The following ACSM2B variants were observed in gnomAD, a reference collection of about 807,000 sequenced individuals.
ACSM2B encodes acyl-coenzyme A synthetase ACSM2B, mitochondrial.
In ACSM2B, 58 loss-of-function variants were observed where a neutral mutation model predicts 78.6. That is an observed-to-expected ratio of 0.74 (90% CI 0.60 to 0.92). ACSM2B has a LOEUF of 0.92. Ranked by LOEUF, ACSM2B falls within the 40% of genes least tolerant of loss-of-function variation. The pLI, the probability that ACSM2B is intolerant of heterozygous loss-of-function variation, is 0.00. For missense variants in ACSM2B, 688 were observed against 711.2 expected (o/e 0.97, Z 0.37); for synonymous variants, 257 against 256.8 (o/e 1.00, Z -0.01).
intron 4 of ACSM2B, among the ~76,000 whole-genome samples, chr16:20,554,946 G>T (rs1292506864): frequency 1.3e-5 from 2 of 152,198 alleles, no homozygotes; most frequent in African/African-American, 4.8e-5. Context: ...GCCCAGAAGT[G>T]TGGAGGCAAT....
chr16:20,566,285 A>G (rs1175845147), intron 1 of ACSM2B, among the ~76,000 whole-genome samples: 2 of 114,454 alleles, frequency 1.7e-5, no homozygotes, highest in Admixed American at 9.6e-5. Context: ...ATATATATAT[A>G]GACAGATATA....
At chr16:20,554,636 C>G (rs1325795090) in intron 4 of ACSM2B, among the ~76,000 whole-genome samples, 1 of 152,200 alleles carries the variant, frequency 6.6e-6, no homozygotes, top group Non-Finnish European at 1.5e-5. Flanking sequence ...TCTTTCCATG[C>G]TATCAACACA....
intron 12 of ACSM2B, 106 bp from the exon 13 acceptor site, chr16:20,540,879 A>T: frequency 2.1e-6 from 3 of 1,461,786 alleles, no homozygotes; most frequent in Non-Finnish European, 2.8e-6. Context: ...GTATCTACTC[A>T]TTTGCACCCC....
intron 12 of ACSM2B, 39 bp from the exon 13 acceptor site, chr16:20,540,812 G>A: frequency 6.2e-7 from 1 of 1,604,578 alleles, no homozygotes; most frequent in Non-Finnish European, 8.5e-7. Flanking sequence ...AGGGATTAGA[G>A]TGTGTAGTCA....
chr16:20,555,268 C>A lies in ACSM2B; in HGVS notation c.596+1G>T. ...CCAGGATGAGACATGTAGATACTCA[C>A]TTTAGTAGTTTCTTGAAGTTCAGCC... On this transcript the variant is annotated splice_donor_variant, in intron 4 of 13. Transcript: ENST00000329697. LOFTEE classifies it high-confidence loss of function. The A allele has an allele frequency of 6.8e-6, 11 of 1,613,946 alleles. No homozygotes were observed. Among genetic ancestry groups the A allele is most frequent in the Non-Finnish European group, 9.3e-6 (11 of 1,179,840 alleles).
At chr16:20,561,853 A>G (rs1315227786) in intron 2 of ACSM2B, among the ~76,000 whole-genome samples, 1 of 130,682 alleles carries the variant, frequency 7.7e-6, no homozygotes, top group Admixed American at 7.5e-5. Context: ...GCCTAATGTT[A>G]TCCCTCCCCC....
chr16:20,562,758 A>G (rs2015701889), intron 2 of ACSM2B, among the ~76,000 whole-genome samples: 1 of 152,156 alleles, frequency 6.6e-6, no homozygotes, highest in Non-Finnish European at 1.5e-5. Context: ...ACTGCTTAGG[A>G]GTCATGTAAC....
At chr16:20,553,354 T>C (rs2015375268) in intron 5 of ACSM2B, among the ~76,000 whole-genome samples, 1 of 152,202 alleles carries the variant, frequency 6.6e-6, no homozygotes, top group Non-Finnish European at 1.5e-5. Context: ...CCTGAGATCT[T>C]TGTTCACAAA....
intron 9 of ACSM2B, 87 bp from the exon 10 acceptor site, chr16:20,545,345 A>G: frequency 1.3e-6 from 2 of 1,489,772 alleles, no homozygotes; most frequent in Non-Finnish European, 9.1e-7. Context: ...TGGTCAAATG[A>G]AAGACTCTCT....
chr16:20,564,407 AG>A, intron 2 of ACSM2B, among the ~76,000 whole-genome samples: 1 of 152,246 alleles, frequency 6.6e-6, no homozygotes, highest in South Asian at 2.1e-4. Context: ...GAGCATGTGC[AG>A]TCTACATACA....
intron 10 of ACSM2B, 75 bp downstream of exon 10, chr16:20,545,082 C>T (rs1347788670): frequency 4.0e-6 from 6 of 1,496,800 alleles, no homozygotes; most frequent in Middle Eastern, 1.9e-4. Context: ...AGTTTCAGAA[C>T]ATTTGTCCTC....
At chr16:20,540,965 G>T in intron 12 of ACSM2B, 192 bp from the exon 13 acceptor site, 2 of 732,784 alleles carry the variant, frequency 2.7e-6, no homozygotes. Context: ...GTCGTTTATT[G>T]GAGGAGCAGG....
At position 20,540,866 on chromosome 16, in the gene ACSM2B, C is replaced by T. The variant is rs2014969925; in HGVS notation, c.1510-93G>A. ...AATTAGCATTAAGACTTGCATCACC[C>T]TTGTATCTACTCATTTGCACCCCCG... On this transcript the variant is annotated intron_variant, in intron 12 of 13. Coordinates refer to ENST00000329697, the MANE Select transcript of ACSM2B (RefSeq NM_001105069.2). 4.6e-6 allele frequency: 7 copies of T among 1,508,140 alleles called. No homozygotes were observed. The South Asian group carries it at 6.5e-5, about 14-fold the overall frequency. The allele number at this position is 1,508,140 out of a possible 1,614,324, so 93.4% of individuals were successfully genotyped here.
chr16:20,559,496 G>A (rs779598948), intron 2 of ACSM2B, 49 bp from the exon 3 acceptor site: 1 of 1,591,042 alleles, frequency 6.3e-7, no homozygotes, highest in Admixed American at 1.7e-5. Flanking sequence ...TACACAAGCA[G>A]GTAGGATAAA....
intron 1 of ACSM2B, among the ~76,000 whole-genome samples, chr16:20,568,238 T>C (rs1241713803): frequency 6.9e-6 from 1 of 144,758 alleles, no homozygotes; most frequent in African/African-American, 2.5e-5. Flanking sequence ...ATATGTTTTA[T>C]ATATACTATA....
intron 3 of ACSM2B, among the ~76,000 whole-genome samples, chr16:20,557,803 C>T (rs11640137): frequency 0.18 from 27,804 of 151,284 alleles, 3,594 homozygotes; most frequent in East Asian, 0.69. Context: ...GCTTCCCTCC[C>T]CTGTGGCTTT....
Position 20,537,244 on chromosome 16 carries a change from G to A in ACSM2B, c.*14C>T, listed in dbSNP as rs781682208. The A allele has an allele frequency of 6.2e-7, 1 of 1,613,180 alleles. No individual in the cohort carries two copies. The highest frequency in any genetic ancestry group is 8.5e-7 in the Non-Finnish European group (1 of 1,179,308). ...AAAGAAGAGGGGAATCCAAATGAAT[G>A]TCTCCTAGACGCCTCACTGCGCACG... is the stretch of plus-strand genomic sequence containing the variant. On this transcript the variant is annotated 3_prime_UTR_variant, in exon 14 of 14. Transcript: ENST00000329697.
intron 10 of ACSM2B, among the ~76,000 whole-genome samples, chr16:20,543,884 T>C (rs1206965276): frequency 2.0e-5 from 3 of 152,218 alleles, no homozygotes; most frequent in Non-Finnish European, 4.4e-5. Context: ...GCATAAAGAA[T>C]TCTTAGCCTC....
intron 2 of ACSM2B, among the ~76,000 whole-genome samples, chr16:20,562,087 G>A (rs1403876471): frequency 2.0e-5 from 3 of 151,858 alleles, no homozygotes; most frequent in African/African-American, 7.3e-5. Flanking sequence ...GTGAACATGA[G>A]TGTACACATA....
Sources: allele counts gnomAD v4.1 joint callset (sites outside exome capture counted in the v4.1 genomes callset), GRCh38; gene constraint gnomAD v4.1.1; transcripts MANE v1.5; gene names NCBI Gene and HGNC (gene_info 2026-07-23, HGNC 2026-07-21).